ZNF280D: variants seen among roughly 807,000 people sequenced by gnomAD.
ZNF280D encodes suppressor of hairy wing homolog 4.
A neutral mutation model predicts 94.7 loss-of-function variants in ZNF280D; 39 were observed. The ratio of observed to expected loss-of-function variants is 0.41; its 90% confidence interval spans 0.32 to 0.54. The LOEUF (loss-of-function observed/expected upper bound fraction) is 0.54. ZNF280D is among the 20% of genes least tolerant of loss of function. The pLI, the probability that ZNF280D is intolerant of heterozygous loss-of-function variation, is 0.22. For missense variants in ZNF280D, 1,090 were observed against 1,149.3 expected, an observed-to-expected ratio of 0.95 and a Z score of 0.75; for synonymous variants, 398 against 377.6, an observed-to-expected ratio of 1.05 and a Z score of -0.63.
intron 1 of ZNF280D, among the ~76,000 whole-genome samples, chr15:56,707,776 A>G (rs1272980471): frequency 6.6e-6 from 1 of 152,048 alleles, no homozygotes; most frequent in Non-Finnish European, 1.5e-5. Flanking sequence ...ATTTCATCAT[A>G]GATTAATTCA....
At chr15:56,684,147 G>C (rs2141019438) in intron 9 of ZNF280D, among the ~76,000 whole-genome samples, 1 of 152,250 alleles carries the variant, frequency 6.6e-6, no homozygotes, top group East Asian at 1.9e-4. Flanking sequence ...CACAATTGCA[G>C]GAAGCCTTCT....
chr15:56,693,074 T>C, intron 7 of ZNF280D, 24 bp downstream of exon 7: 3 of 1,404,166 alleles, frequency 2.1e-6, no homozygotes, highest in African/African-American at 1.4e-5. Flanking sequence ...CTATAACCTT[T>C]ATGAAAAAAA....
At chr15:56,727,150 A>G (rs866255386) in intron 1 of ZNF280D, among the ~76,000 whole-genome samples, 1 of 152,322 alleles carries the variant, frequency 6.6e-6, no homozygotes, top group Middle Eastern at 3.4e-3. Flanking sequence ...CTCAAGGGAA[A>G]AGAGTTGCTC....
chr15:56,694,480 T>A (rs959164402), intron 6 of ZNF280D, among the ~76,000 whole-genome samples: 3 of 152,076 alleles, frequency 2.0e-5, no homozygotes, highest in African/African-American at 7.2e-5. Flanking sequence ...GAAAAAAGGC[T>A]ATCACTTTAG....
chr15:56,716,802 A>G (rs2058073801), intron 1 of ZNF280D, among the ~76,000 whole-genome samples: 1 of 152,188 alleles, frequency 6.6e-6, no homozygotes, highest in Admixed American at 6.5e-5. Context: ...AACTATAAGT[A>G]ACAAAAACCC....
chr15:56,664,398 C>CATA (rs2054154163), intron 16 of ZNF280D, among the ~76,000 whole-genome samples: 2 of 151,938 alleles, frequency 1.3e-5, no homozygotes, highest in South Asian at 4.2e-4. Context: ...CAGAAGGAAC[C>CATA]ATATAGAGAG....
chr15:56,716,863 T>C (rs1212169061), intron 1 of ZNF280D, among the ~76,000 whole-genome samples: 3 of 152,172 alleles, frequency 2.0e-5, no homozygotes, highest in Non-Finnish European at 4.4e-5. Flanking sequence ...TTTGTAGAAA[T>C]AACTACAGGC....
At chr15:56,635,394 T>C in intron 20 of ZNF280D, 144 bp from the exon 21 acceptor site, 1 of 233,326 alleles carries the variant, frequency 4.3e-6, no homozygotes, top group Non-Finnish European at 7.8e-6. Flanking sequence ...AAATATAAAA[T>C]ATAATTAGAA....
rs200028980 is a variant in ZNF280D, at chr15:56,678,844, G to A, written c.1005-23C>T. 69 of 1,475,090 alleles carry A rather than the reference G, an allele frequency of 4.7e-5. No homozygotes were observed. The African/African-American group carries it at 5.2e-4, about 11-fold the overall frequency. The allele number at this position is 1,475,090 out of a possible 1,614,324, so 91.4% of individuals were successfully genotyped here. On this transcript the variant is annotated intron_variant, in intron 10 of 21. Transcript: ENST00000267807. ...AACCTATAAATGGTTGTCAACAGGT[G>A]CAAAACTTGAGATTTAAAAACAAAA...
chr15:56,702,612 C>G (rs746046552), intron 4 of ZNF280D, among the ~76,000 whole-genome samples: 2 of 152,002 alleles, frequency 1.3e-5, no homozygotes, highest in Non-Finnish European at 2.9e-5. Context: ...TTGAATTTTG[C>G]AATATAATAT....
intron 1 of ZNF280D, among the ~76,000 whole-genome samples, chr15:56,728,983 C>A (rs1418029628): frequency 6.6e-6 from 1 of 152,174 alleles, no homozygotes; most frequent in East Asian, 1.9e-4. Flanking sequence ...ACTCATGATA[C>A]TTTCAACTAA....
intron 17 of ZNF280D, chr15:56,654,752 G>T: frequency 1.9e-6 from 1 of 527,878 alleles, no homozygotes; most frequent in African/African-American, 1.9e-5. Context: ...ATTGTTAAAA[G>T]TTAGGAGTCA....
chr15:56,687,423 T>C (rs1330583507), intron 9 of ZNF280D, among the ~76,000 whole-genome samples: 1 of 152,112 alleles, frequency 6.6e-6, no homozygotes, highest in African/African-American at 2.4e-5. Context: ...CATGCCACAA[T>C]TTCTGTACAA....
intron 20 of ZNF280D, among the ~76,000 whole-genome samples, chr15:56,641,521 T>C (rs772953683): frequency 9.9e-5 from 15 of 151,964 alleles, no homozygotes; most frequent in Non-Finnish European, 1.6e-4. Flanking sequence ...CTATATGTGA[T>C]TTTAATGTCG....
chr15:56,674,163 A>C (rs1305902713), intron 13 of ZNF280D, among the ~76,000 whole-genome samples: 3 of 151,974 alleles, frequency 2.0e-5, no homozygotes, highest in South Asian at 4.1e-4. Context: ...AGATTAACAG[A>C]GAAAATGCAT....
intron 20 of ZNF280D, among the ~76,000 whole-genome samples, chr15:56,637,556 G>C (rs961328093): frequency 6.6e-6 from 1 of 152,034 alleles, no homozygotes; most frequent in African/African-American, 2.4e-5. Flanking sequence ...CCACACTGAA[G>C]TCTACGCAAT....
intron 20 of ZNF280D, among the ~76,000 whole-genome samples, chr15:56,636,641 G>T (rs2052368379): frequency 6.6e-6 from 1 of 151,790 alleles, no homozygotes; most frequent in Admixed American, 6.6e-5. Flanking sequence ...CCACCACCAT[G>T]CCCGACTAAT....
At chr15:56,649,665 A>G (rs140385460) in intron 19 of ZNF280D, among the ~76,000 whole-genome samples, 203 of 152,080 alleles carry the variant, frequency 1.3e-3, no homozygotes, top group African/African-American at 4.6e-3. Context: ...ACAATTTTGA[A>G]CACATAAGAG....
chr15:56,648,517 C>T (rs1184307122), intron 19 of ZNF280D, among the ~76,000 whole-genome samples: 2 of 151,744 alleles, frequency 1.3e-5, no homozygotes, highest in African/African-American at 4.8e-5. Context: ...AGCAGAGAAG[C>T]AATAGAGGAT....
Sources: allele counts gnomAD v4.1 joint callset (sites outside exome capture counted in the v4.1 genomes callset), GRCh38; gene constraint gnomAD v4.1.1; transcripts MANE v1.5; gene names NCBI Gene and HGNC (gene_info 2026-07-23, HGNC 2026-07-21).